Variants in ENTREP2 observed in about 807,000 individuals in gnomAD.
ENTREP2 encodes endosomal transmembrane epsin interactor 2.
At chr15:29,553,740 A>G in the ENTREP2 span, among the ~76,000 whole-genome samples, 614 of 152,310 alleles carry the variant, frequency 4.0e-3, 1 homozygote, top group Non-Finnish European at 5.8e-3. Context: ...TGGAGGAGCT[A>G]CAAGTATACA....
chr15:29,325,257 C>T, the ENTREP2 span, among the ~76,000 whole-genome samples: 9 of 151,960 alleles, frequency 5.9e-5, no homozygotes, highest in East Asian at 9.7e-4. Flanking sequence ...ATAATATAAG[C>T]GTGTACCTTA....
chr15:29,207,066 G>A, the ENTREP2 span, among the ~76,000 whole-genome samples: 2 of 152,238 alleles, frequency 1.3e-5, no homozygotes, highest in East Asian at 3.9e-4. Flanking sequence ...TCGCCAAGCA[G>A]CTCCTGCAGC....
the ENTREP2 span, among the ~76,000 whole-genome samples, chr15:29,404,642 C>A: frequency 1.3e-5 from 2 of 151,974 alleles, no homozygotes; most frequent in Admixed American, 1.3e-4. Context: ...CTCCCCTCCT[C>A]GCAGTATCTA....
the ENTREP2 span, among the ~76,000 whole-genome samples, chr15:29,585,634 A>T: frequency 4.6e-5 from 7 of 152,290 alleles, no homozygotes; most frequent in South Asian, 1.5e-3. Context: ...AGGCCGGCAG[A>T]TCACGAGGTC....
the ENTREP2 span, among the ~76,000 whole-genome samples, chr15:29,621,232 A>G: frequency 6.6e-6 from 1 of 150,680 alleles, no homozygotes; most frequent in Admixed American, 6.6e-5. Flanking sequence ...TACTAAAAAT[A>G]AAAAAAATAG....
At chr15:29,433,503 C>A in the ENTREP2 span, among the ~76,000 whole-genome samples, 1 of 152,148 alleles carries the variant, frequency 6.6e-6, no homozygotes, top group Non-Finnish European at 1.5e-5. Flanking sequence ...CTTAATGGTA[C>A]AAATCTTATT....
the ENTREP2 span, among the ~76,000 whole-genome samples, chr15:29,545,589 G>A: frequency 6.6e-6 from 1 of 152,196 alleles, no homozygotes; most frequent in African/African-American, 2.4e-5. Context: ...ATGCTGCTTA[G>A]TGGAGGGTAG....
chr15:29,323,571 G>C, the ENTREP2 span, among the ~76,000 whole-genome samples: 1 of 152,088 alleles, frequency 6.6e-6, no homozygotes, highest in Non-Finnish European at 1.5e-5. Context: ...CAAACCCAAA[G>C]AGAAGGCTGT....
At chr15:29,587,071 T>A in the ENTREP2 span, among the ~76,000 whole-genome samples, 29 of 152,076 alleles carry the variant, frequency 1.9e-4, no homozygotes, top group Non-Finnish European at 2.9e-5. Context: ...TACAGAACTC[T>A]GTAGTCCTGA....
chr15:29,566,984 C>T, the ENTREP2 span, among the ~76,000 whole-genome samples: 1 of 151,906 alleles, frequency 6.6e-6, no homozygotes, highest in South Asian at 2.1e-4. Context: ...ATAAAATCTC[C>T]AAGAAAAATA....
the ENTREP2 span, among the ~76,000 whole-genome samples, chr15:29,463,190 G>C: frequency 6.6e-6 from 1 of 152,274 alleles, no homozygotes; most frequent in African/African-American, 2.4e-5. Context: ...GGCCCCAGGA[G>C]GCAGGCTGCA....
chr15:29,470,701 G>A, the ENTREP2 span, among the ~76,000 whole-genome samples: 1 of 152,184 alleles, frequency 6.6e-6, no homozygotes, highest in African/African-American at 2.4e-5. Flanking sequence ...TGGCCAGCTC[G>A]GGGCTCATGA....
chr15:29,417,859 T>C, the ENTREP2 span, among the ~76,000 whole-genome samples: 43 of 152,290 alleles, frequency 2.8e-4, 1 homozygote, highest in African/African-American at 9.6e-4. Context: ...GCTTCTTTAA[T>C]TGCATTTTCT....
At chr15:29,522,528 G>C in the ENTREP2 span, among the ~76,000 whole-genome samples, 1 of 152,160 alleles carries the variant, frequency 6.6e-6, no homozygotes, top group Non-Finnish European at 1.5e-5. Flanking sequence ...GCAGCAATCT[G>C]ATGAGTGCTT....
At chr15:29,430,856 G>C in the ENTREP2 span, among the ~76,000 whole-genome samples, 4 of 152,182 alleles carry the variant, frequency 2.6e-5, no homozygotes, top group South Asian at 6.2e-4. Flanking sequence ...TAAGGAGAGA[G>C]AGGCAGTGTC....
chr15:29,282,854 T>C, the ENTREP2 span, among the ~76,000 whole-genome samples: 1 of 152,196 alleles, frequency 6.6e-6, no homozygotes, highest in African/African-American at 2.4e-5. Context: ...GGTCTCAATA[T>C]GGTGATGGCC....
chr15:29,472,970 C>T, the ENTREP2 span, among the ~76,000 whole-genome samples: 225 of 152,196 alleles, frequency 1.5e-3, no homozygotes, highest in African/African-American at 5.2e-3. Context: ...GGTCAGTACA[C>T]TCAGTCACCA....
chr15:29,208,990 A>C, the ENTREP2 span, among the ~76,000 whole-genome samples: 7 of 152,310 alleles, frequency 4.6e-5, no homozygotes, highest in African/African-American at 1.7e-4. Flanking sequence ...TTGTGACATT[A>C]GAAGTTAGGA....
the ENTREP2 span, among the ~76,000 whole-genome samples, chr15:29,536,512 A>G: frequency 0.012 from 1,775 of 151,816 alleles, 30 homozygotes; most frequent in African/African-American, 0.041. Context: ...GCTGAGGCAG[A>G]AGAATCGCTT....
Sources: gnomAD v4.1 joint callset for allele counts (sites outside exome capture counted in the v4.1 genomes callset) on GRCh38, gnomAD v4.1.1 for gene constraint, MANE v1.5 for transcripts, NCBI Gene and HGNC (gene_info 2026-07-23, HGNC 2026-07-21) for gene names.